Variants in TMEM106B observed in about 807,000 individuals in gnomAD.
The protein encoded by TMEM106B is transmembrane protein 106B.
Under a neutral mutation model 31.1 loss-of-function variants are expected in TMEM106B, and 15 were observed. The observed-to-expected ratio is 0.48, with a 90% CI of 0.32 to 0.74. The LOEUF (loss-of-function observed/expected upper bound fraction) is 0.74. Among genes scored for constraint, TMEM106B ranks in the 30% least tolerant of loss-of-function variants. The pLI is 0.03. For missense variants in TMEM106B, 283 were observed against 327.3 expected (o/e 0.86, Z 1.04); for synonymous variants, 126 against 112.5 (o/e 1.12, Z -0.76).
At chr7:12,226,054 G>T (rs1205295654) in intron 4 of TMEM106B, among the ~76,000 whole-genome samples, 1 of 152,146 alleles carries the variant, frequency 6.6e-6, no homozygotes, top group Non-Finnish European at 1.5e-5. Flanking sequence ...TTTGTACAAG[G>T]TGTAAGGAAG....
chr7:12,237,816 T>TACACACACACACAC lies in TMEM106B; in HGVS notation c.*5868_*5881dup, dbSNP rs71027485. ...CGAGACCCCATATAAAATATATACATACACACACACACACACACACACACA... is the reference window on the plus strand; with the variant it reads ...CGAGACCCCATATAAAATATATACATACACACACACACACACACACACACACACACACACACACA... On this transcript the variant is annotated 3_prime_UTR_variant, in exon 8 of 8. Coordinates refer to ENST00000396668, the MANE Select transcript of TMEM106B (RefSeq NM_001134232.2). The TACACACACACACAC allele has an allele frequency of 1.4e-4, 18 of 124,838 alleles. No homozygotes were observed. Among genetic ancestry groups the TACACACACACACAC allele is most frequent in the African/African-American group, 4.2e-4 (14 of 33,162 alleles). 7.7% of individuals were successfully genotyped at this position (124,838 alleles called of 1,614,324 possible). A position where few individuals can be genotyped will look rare whatever the true frequency, so the allele number is the denominator to read the frequency against.
In TMEM106B at chr7:12,234,417, A is replaced by G. The variant is rs1782088499; in HGVS notation, c.*2442A>G. The G allele has an allele frequency of 6.6e-6, 1 of 151,882 alleles. No homozygotes were observed. Among genetic ancestry groups the G allele is most frequent in the Non-Finnish European group, 1.5e-5 (1 of 67,798 alleles). The allele number at this position is 151,882 out of a possible 1,614,324, so 9.4% of individuals were successfully genotyped here. A position where few individuals can be genotyped will look rare whatever the true frequency, so the allele number is the denominator to read the frequency against. ...AGAAGAGAAATAAAGATGGTATGTG[A>G]CTACTTTCAGAGAGAGTTAAGTAAC... On this transcript the variant is annotated 3_prime_UTR_variant, in exon 8 of 8. Transcript: ENST00000396668.
At position 12,240,289 on chromosome 7, in the gene TMEM106B, C is replaced by T. The variant is rs559115138; in HGVS notation, c.*8314C>T. The T allele has an allele frequency of 2.0e-5, 3 of 152,258 alleles. No homozygotes were observed. Among genetic ancestry groups the T allele is most frequent in the East Asian group, 1.9e-4 (1 of 5,176 alleles). 9.4% of individuals were successfully genotyped at this position (152,258 alleles called of 1,614,324 possible). A position where few individuals can be genotyped will look rare whatever the true frequency, so the allele number is the denominator to read the frequency against. ...ATTCTATCTTTTTCAATGCCCACTTCGTGTCCAACCCCTCTCTACTTTCCC... is the reference window on the plus strand; with the variant it reads ...ATTCTATCTTTTTCAATGCCCACTTTGTGTCCAACCCCTCTCTACTTTCCC... On this transcript the variant is annotated 3_prime_UTR_variant, in exon 8 of 8. Coordinates refer to ENST00000396668, the MANE Select transcript of TMEM106B (RefSeq NM_001134232.2).
chr7:12,231,874 C>CAGAT lies in TMEM106B; in HGVS notation c.726_729dup (p.Ser244AspfsTer23), dbSNP rs773285485. 7 of 1,609,142 alleles carry CAGAT rather than the reference C, an allele frequency of 4.4e-6. No individual in the cohort carries two copies. Among genetic ancestry groups the CAGAT allele is most frequent in the Non-Finnish European group, 5.9e-6 (7 of 1,176,612 alleles). ...AACAACATACTTTGGCCACTCTGAACAGATATCCCAGGAGAGGTATCAGTA... is the reference window on the plus strand; with the variant it reads ...AACAACATACTTTGGCCACTCTGAACAGATAGATATCCCAGGAGAGGTATCAGTA... On this transcript the variant is annotated frameshift_variant, in exon 8 of 8. Transcript: ENST00000396668. LOFTEE classifies it high-confidence loss of function.
At chr7:12,212,339 C>T (rs1370722541) in intron 1 of TMEM106B, among the ~76,000 whole-genome samples, 1 of 152,134 alleles carries the variant, frequency 6.6e-6, no homozygotes, top group African/African-American at 2.4e-5. Flanking sequence ...TCTAGTGTTC[C>T]GCATAGACCC....
chr7:12,231,474 C>T (rs1231930273), intron 7 of TMEM106B: 2 of 245,814 alleles, frequency 8.1e-6, no homozygotes, highest in African/African-American at 2.2e-5. Context: ...GCCAATAAAA[C>T]ATTGTTGATT....
intron 3 of TMEM106B, among the ~76,000 whole-genome samples, chr7:12,222,525 T>G (rs1562705364): frequency 6.6e-6 from 1 of 152,182 alleles, no homozygotes; most frequent in Non-Finnish European, 1.5e-5. Context: ...TAATTAAAAA[T>G]AAAACGCTGA....
At chr7:12,229,121 T>A (rs767231519) in intron 4 of TMEM106B, among the ~76,000 whole-genome samples, 1 of 152,130 alleles carries the variant, frequency 6.6e-6, no homozygotes, top group Non-Finnish European at 1.5e-5. Flanking sequence ...TATTTTTTAT[T>A]TAACATTTTT....
chr7:12,231,088 A>G lies in TMEM106B; in HGVS notation c.659A>G (p.Lys220Arg). 1 of 1,601,664 alleles carries G rather than the reference A, an allele frequency of 6.2e-7. No homozygotes were observed. Among genetic ancestry groups the G allele is most frequent in the Non-Finnish European group, 8.5e-7 (1 of 1,174,298 alleles). The change falls in exon 7 of 8, where the codon AAA becomes AGA. Residue 220 changes from lysine (K) to arginine (R), a missense_variant. Physicochemically the swap from Lys to Arg is conservative, Grantham distance 26. Around this residue, in one of 3 missense-constraint regions of TMEM106B, gnomAD observed 201 missense variants for 211.5 expected, o/e 0.95. Transcript: ENST00000396668. ...GATTTCTGTACTCTGATATCCATCAAAGTGCATAACATAGTACTCATGATG... is the reference window on the plus strand; with the variant it reads ...GATTTCTGTACTCTGATATCCATCAGAGTGCATAACATAGTACTCATGATG... ...MYDFCTLISI[K>R]VHNIVLMMQV...
chr7:12,214,922 G>C lies in TMEM106B; in HGVS notation c.112G>C (p.Glu38Gln). The change falls in exon 2 of 8, where the codon GAA (glutamate) becomes CAA (glutamine). Residue 38 changes from glutamate to glutamine, a missense_variant. By Grantham distance (29) the Glu-to-Gln change is conservative. Transcript: ENST00000396668. ...NGLVNSEVHN[E>Q]DGRNGDVSQF... ...ACTGGTTAATAGTGAAGTCCATAATGAAGATGGAAGAAATGGAGATGTCTC... is the reference window on the plus strand; with the variant it reads ...ACTGGTTAATAGTGAAGTCCATAATCAAGATGGAAGAAATGGAGATGTCTC... 1.2e-6 allele frequency: 2 copies of C among 1,614,066 alleles called. No individual in the cohort carries two copies. The highest frequency in any genetic ancestry group is 1.1e-5 in the South Asian group (1 of 91,082).
At chr7:12,228,154 G>A (rs1274028152) in intron 4 of TMEM106B, among the ~76,000 whole-genome samples, 1 of 151,712 alleles carries the variant, frequency 6.6e-6, no homozygotes, top group Non-Finnish European at 1.5e-5. Flanking sequence ...GAACATTTTT[G>A]AAATTTCTTT....
chr7:12,212,706 C>T (rs1462450744), intron 1 of TMEM106B, among the ~76,000 whole-genome samples: 1 of 152,102 alleles, frequency 6.6e-6, no homozygotes, highest in Non-Finnish European at 1.5e-5. Context: ...GAAGTCAGAG[C>T]CCTTAGTGCA....
intron 2 of TMEM106B, 72 bp downstream of exon 2, chr7:12,215,099 T>TC: frequency 7.5e-7 from 1 of 1,337,806 alleles, no homozygotes; most frequent in Non-Finnish European, 1.0e-6. Flanking sequence ...AAACTGTGGG[T>TC]CTCAGGAACC....
At position 12,241,694 on chromosome 7, in the gene TMEM106B, C is replaced by A. The variant is rs545138062; in HGVS notation, c.*9719C>A. ...GGTTCCAAGTCTTTACTATTGTGAA[C>A]AGTGCTGCAATAAACATATGTGTGT... On this transcript the variant is annotated 3_prime_UTR_variant, in exon 8 of 8. Coordinates refer to ENST00000396668, the MANE Select transcript of TMEM106B (RefSeq NM_001134232.2). 1.3e-5 allele frequency: 2 copies of A among 152,192 alleles called. No homozygotes were observed. Among genetic ancestry groups the A allele is most frequent in the South Asian group, 4.2e-4 (2 of 4,814 alleles). The allele number at this position is 152,192 out of a possible 1,614,324, so 9.4% of individuals were successfully genotyped here.
rs1425363740 is a variant in TMEM106B, at chr7:12,235,885, T to C, written c.*3910T>C. ...CCATAATGTCATTAGGTCACGATTTTTAGCTCACATCTGGAAGCAGCAACT... is the reference window on the plus strand; with the variant it reads ...CCATAATGTCATTAGGTCACGATTTCTAGCTCACATCTGGAAGCAGCAACT... On this transcript the variant is annotated 3_prime_UTR_variant, in exon 8 of 8. Coordinates refer to ENST00000396668, the MANE Select transcript of TMEM106B (RefSeq NM_001134232.2). The C allele has an allele frequency of 5.3e-5, 8 of 151,966 alleles. No homozygotes were observed. The highest frequency in any genetic ancestry group is 1.5e-5 in the Non-Finnish European group (1 of 67,810). The allele number at this position is 151,966 out of a possible 1,614,324, so 9.4% of individuals were successfully genotyped here. A position where few individuals can be genotyped will look rare whatever the true frequency, so the allele number is the denominator to read the frequency against.
At position 12,234,715 on chromosome 7, in the gene TMEM106B, C is replaced by A. The variant is rs559152244; in HGVS notation, c.*2740C>A. 6.6e-6 allele frequency: 1 copy of A among 151,876 alleles called. No homozygotes were observed. Among genetic ancestry groups the A allele is most frequent in the Non-Finnish European group, 1.5e-5 (1 of 67,812 alleles). 9.4% of individuals were successfully genotyped at this position (151,876 alleles called of 1,614,324 possible). A position where few individuals can be genotyped will look rare whatever the true frequency, so the allele number is the denominator to read the frequency against. On this transcript the variant is annotated 3_prime_UTR_variant, in exon 8 of 8. Transcript: ENST00000396668. ...CTTCCTGGAATAACTTTAAGTTACA[C>A]CCTAGTAGACTGGTCATTCTAATAA...
At position 12,214,905 on chromosome 7, in the gene TMEM106B, A is replaced by C. The variant is rs1002943854; in HGVS notation, c.95A>C (p.Asn32Thr). 6.2e-7 allele frequency: 1 copy of C among 1,614,120 alleles called. No individual in the cohort carries two copies. The highest frequency in any genetic ancestry group is 1.1e-5 in the South Asian group (1 of 91,080). ...GAAAACATGAGGAATGGACTGGTTA[A>C]TAGTGAAGTCCATAATGAAGATGGA... is the stretch of plus-strand genomic sequence containing the variant. ...TSENMRNGLVNSEVHNEDGRN... is the reference protein window; with the variant it reads ...TSENMRNGLVTSEVHNEDGRN... Residue 32 changes from asparagine (N) to threonine (T), a missense_variant, in exon 2 of 8, where the codon AAT becomes ACT. By Grantham distance (65) the Asn-to-Thr change is moderately conservative. Transcript: ENST00000396668.
At chr7:12,229,902 T>C in intron 5 of TMEM106B, 83 bp downstream of exon 5, 1 of 1,425,480 alleles carries the variant, frequency 7.0e-7, no homozygotes. Flanking sequence ...AGGTGGGGGA[T>C]TTCCTCAAAA....
rs1252961418 is a variant in TMEM106B, at chr7:12,234,205, G to C, written c.*2230G>C. The C allele has an allele frequency of 6.6e-6, 1 of 151,770 alleles. No homozygotes were observed. The highest frequency in any genetic ancestry group is 1.5e-5 in the Non-Finnish European group (1 of 67,750). The allele number at this position is 151,770 out of a possible 1,614,324, so 9.4% of individuals were successfully genotyped here. ...TAAACAGATTTTTCTGATGATCTGTGCTTCTTATATACTATTAGAGTGCAT... is the reference window on the plus strand; with the variant it reads ...TAAACAGATTTTTCTGATGATCTGTCCTTCTTATATACTATTAGAGTGCAT... On this transcript the variant is annotated 3_prime_UTR_variant, in exon 8 of 8. Transcript: ENST00000396668.
Sources: gnomAD v4.1 joint callset for allele counts (sites outside exome capture counted in the v4.1 genomes callset) on GRCh38, gnomAD v4.1.1 for gene constraint, gnomAD v4.1.1 regional missense constraint, MANE v1.5 for transcripts, NCBI Gene and HGNC (gene_info 2026-07-23, HGNC 2026-07-21) for gene names.